Variants in TAF10 observed in about 807,000 individuals in gnomAD.
TAF10 encodes the protein TATA-box binding protein associated factor 10, also known as transcription initiation factor TFIID subunit 10.
TAF10 carries 2 observed loss-of-function variants against 18.1 expected under a neutral mutation model. That is an observed-to-expected ratio of 0.11 (90% CI 0.05 to 0.35). TAF10 has a LOEUF of 0.35. Among genes scored for constraint, TAF10 ranks in the 10% least tolerant of loss-of-function variants. The pLI, the probability that TAF10 is intolerant of heterozygous loss-of-function variation, is 1.00. For missense variants in TAF10, 293 were observed against 306.9 expected (o/e 0.95, Z 0.34); for synonymous variants, 158 against 134.6 (o/e 1.17, Z -1.20).
Position 6,608,828 on chromosome 11 carries a change from C to T in TAF10, c.*2094G>A, listed in dbSNP as rs1227659417. The T allele has an allele frequency of 1.2e-6, 2 of 1,612,208 alleles. No homozygotes were observed. Among genetic ancestry groups the T allele is most frequent in the African/African-American group, 2.7e-5 (2 of 74,874 alleles). ...ATCCCCTAGCTTGTGTCCTCTCGTC[C>T]CTTCCCACCTGTCTTCTCCCTCTGT... On this transcript the variant is annotated 3_prime_UTR_variant, in exon 5 of 5. Coordinates refer to ENST00000299424, the MANE Select transcript of TAF10 (RefSeq NM_006284.4). The surrounding 1 kb of genome is among the most constrained non-coding windows in gnomAD (Gnocchi z 4.9).
Position 6,607,948 on chromosome 11 carries a change from A to G in TAF10, c.*2974T>C. 3 of 1,268,662 alleles carry G rather than the reference A, an allele frequency of 2.4e-6. No individual in the cohort carries two copies. The highest frequency in any genetic ancestry group is 2.3e-6 in the Non-Finnish European group (2 of 886,118). The allele number at this position is 1,268,662 out of a possible 1,614,324, so 78.6% of individuals were successfully genotyped here. A position where few individuals can be genotyped will look rare whatever the true frequency, so the allele number is the denominator to read the frequency against. On this transcript the variant is annotated 3_prime_UTR_variant, in exon 5 of 5. Coordinates refer to ENST00000299424, the MANE Select transcript of TAF10 (RefSeq NM_006284.4). Reference sequence around the variant, plus strand: ...ATGAGAATCAAAGTCCTAGAGAGGTAAGCCTTCCCAGAGAGTATGTAATTA... The same window carrying G: ...ATGAGAATCAAAGTCCTAGAGAGGTGAGCCTTCCCAGAGAGTATGTAATTA...
At position 6,610,902 on chromosome 11, in the gene TAF10, G is replaced by A. The variant is rs780949467; in HGVS notation, c.*20C>T. ...GGTGTGGGGACATGGGGACAGATAA[G>A]TACATTTAGGTTGGGTGGCTCAGGT... On this transcript the variant is annotated 3_prime_UTR_variant, in exon 5 of 5. Coordinates refer to ENST00000299424, the MANE Select transcript of TAF10 (RefSeq NM_006284.4). 4 of 1,613,386 alleles carry A rather than the reference G, an allele frequency of 2.5e-6. No individual in the cohort carries two copies. The highest frequency in any genetic ancestry group is 1.1e-5 in the South Asian group (1 of 91,060).
Position 6,609,457 on chromosome 11 carries a change from T to G in TAF10, c.*1465A>C, listed in dbSNP as rs749793306. ...GCTGCTAGTTCCAAGGAACCCTGAA[T>G]AGCACTGAAAGAGATCTTTTGTACT... On this transcript the variant is annotated 3_prime_UTR_variant, in exon 5 of 5. Transcript: ENST00000299424. The G allele has an allele frequency of 3.1e-6, 5 of 1,614,044 alleles. No homozygotes were observed. Among genetic ancestry groups the G allele is most frequent in the Non-Finnish European group, 3.4e-6 (4 of 1,179,952 alleles).
At position 6,609,173 on chromosome 11, in the gene TAF10, T is replaced by C. The variant is rs1020416627; in HGVS notation, c.*1749A>G. Reference sequence around the variant, plus strand: ...TCTGGAGAGGTGACCCCTGCCCTTCTTGCCCTTCCCTCACTAAACCCCCAT... The same window carrying C: ...TCTGGAGAGGTGACCCCTGCCCTTCCTGCCCTTCCCTCACTAAACCCCCAT... On this transcript the variant is annotated 3_prime_UTR_variant, in exon 5 of 5. Coordinates refer to ENST00000299424, the MANE Select transcript of TAF10 (RefSeq NM_006284.4). The C allele has an allele frequency of 6.2e-7, 1 of 1,610,824 alleles. No individual in the cohort carries two copies. Among genetic ancestry groups the C allele is most frequent in the Admixed American group, 1.7e-5 (1 of 60,026 alleles).
Position 6,610,051 on chromosome 11 carries a change from A to G in TAF10, c.*871T>C, listed in dbSNP as rs761346975. The stretch of plus-strand genomic sequence containing the variant: ...GCCCCCGAAGGTGAGTGAAGTCATC[A>G]TGTCGGGAGGTAAAAAAGGACCACC... On this transcript the variant is annotated 3_prime_UTR_variant, in exon 5 of 5. Coordinates refer to ENST00000299424, the MANE Select transcript of TAF10 (RefSeq NM_006284.4). 1 of 1,614,140 alleles carries G rather than the reference A, an allele frequency of 6.2e-7. No individual in the cohort carries two copies. The highest frequency in any genetic ancestry group is 2.2e-5 in the East Asian group (1 of 44,882).
rs912510389 is a variant in TAF10 at position 6,609,825 on chromosome 11, C to G, written c.*1097G>C. ...AGAGCCCCTCATCCCACGACATGCA[C>G]TCAATAGCCGTAGTGTAATGGTGAG... On this transcript the variant is annotated 3_prime_UTR_variant, in exon 5 of 5. Transcript: ENST00000299424. 8 of 1,614,112 alleles carry G rather than the reference C, an allele frequency of 5.0e-6. No individual in the cohort carries two copies. The African/African-American group carries it at 8.0e-5, about 16-fold the overall frequency.
Position 6,611,220 on chromosome 11 carries a change from G to T in TAF10, c.536C>A (p.Thr179Lys), listed in dbSNP as rs763667789. Reference sequence around the variant, plus strand: ...CTTGCTCCGGGAGCTGCCGGAGGCCGTGCCCTTCATTTTGCAGTGCTGTAG... The same window carrying T: ...CTTGCTCCGGGAGCTGCCGGAGGCCTTGCCCTTCATTTTGCAGTGCTGTAG... ...DALQHCKMKG[T>K]ASGSSRSKSK... The change falls in exon 4 of 5, where the codon ACG becomes AAG. Residue 179 changes from threonine (T) to lysine (K), a missense_variant. By Grantham distance (78) the Thr-to-Lys change is moderately conservative. Coordinates refer to ENST00000299424, the MANE Select transcript of TAF10 (RefSeq NM_006284.4). The T allele has an allele frequency of 6.2e-7, 1 of 1,613,976 alleles. No homozygotes were observed. Among genetic ancestry groups the T allele is most frequent in the Non-Finnish European group, 8.5e-7 (1 of 1,180,026 alleles).
chr11:6,612,072 C>T lies in TAF10; in HGVS notation c.118G>A (p.Glu40Lys). The T allele has an allele frequency of 7.2e-7, 1 of 1,388,728 alleles. No individual in the cohort carries two copies. Among genetic ancestry groups the T allele is most frequent in the South Asian group, 1.6e-5 (1 of 62,056 alleles). The allele number at this position is 1,388,728 out of a possible 1,614,324, so 86.0% of individuals were successfully genotyped here. The change falls in exon 1 of 5, where the codon GAG (glutamate) becomes AAG (lysine). Residue 40 changes from glutamate (E) to lysine (K), a missense_variant. Glu to Lys is a moderately conservative substitution (Grantham distance 56). Coordinates refer to ENST00000299424, the MANE Select transcript of TAF10 (RefSeq NM_006284.4). ...PAALPSSTAA[E>K]NKASPAGTAG... ...GTCCCCGCGGGGCTGGCCTTGTTCTCCGCGGCGGTGCTGGAGGGCAGCGCG... is the reference window on the plus strand; with the variant it reads ...GTCCCCGCGGGGCTGGCCTTGTTCTTCGCGGCGGTGCTGGAGGGCAGCGCG...
Position 6,611,715 on chromosome 11 carries a change from GGACACCACGGGCTTCACGTCT to G in TAF10, c.315_335del (p.Asp106_Ser112del), listed in dbSNP as rs1803249349. ...TCAAGAAGTCCACCAAAGGCGTGCTGGACACCACGGGCTTCACGTCTCCGTTGGCCGCGCTCGGCAGTACGT... is the reference window on the plus strand; with the variant it reads ...TCAAGAAGTCCACCAAAGGCGTGCTGCCGTTGGCCGCGCTCGGCAGTACGT... On this transcript the variant is annotated inframe_deletion, in exon 2 of 5. Transcript: ENST00000299424. 6.2e-7 allele frequency: 1 copy of G among 1,610,848 alleles called. No individual in the cohort carries two copies. Among genetic ancestry groups the G allele is most frequent in the African/African-American group, 1.3e-5 (1 of 74,862 alleles).
At position 6,608,071 on chromosome 11, in the gene TAF10, C is replaced by G; in HGVS notation, c.*2851G>C. ...GGACGATCATGGCTTCTCCCCCTTG[C>G]ACTGGGCCTGCCGAGAGGGCCGCTC... is the stretch of plus-strand genomic sequence containing the variant. On this transcript the variant is annotated 3_prime_UTR_variant, in exon 5 of 5. Transcript: ENST00000299424. This position sits in a 1 kb window ranked among gnomAD's most constrained non-coding sequence, Gnocchi z 4.9. The G allele has an allele frequency of 6.2e-7, 1 of 1,614,108 alleles. No homozygotes were observed. The highest frequency in any genetic ancestry group is 8.5e-7 in the Non-Finnish European group (1 of 1,180,002).
Position 6,609,999 on chromosome 11 carries a change from G to A in TAF10, c.*923C>T. 6.2e-7 allele frequency: 1 copy of A among 1,614,192 alleles called. No homozygotes were observed. The highest frequency in any genetic ancestry group is 2.2e-5 in the East Asian group (1 of 44,892). ...TGTCAAGTTCTCTTTCCAATGTCCT[G>A]GTCGCATGTATGCACCTGCCTGGGT... is the stretch of plus-strand genomic sequence containing the variant. On this transcript the variant is annotated 3_prime_UTR_variant, in exon 5 of 5. Transcript: ENST00000299424.
Position 6,609,907 on chromosome 11 carries a change from C to T in TAF10, c.*1015G>A. 4 of 1,614,158 alleles carry T rather than the reference C, an allele frequency of 2.5e-6. No individual in the cohort carries two copies. The East Asian group carries it at 8.9e-5, about 36-fold the overall frequency. On this transcript the variant is annotated 3_prime_UTR_variant, in exon 5 of 5. Transcript: ENST00000299424. ...AAGCCCTTTGCCTATCTATGACTTACCTCCTTCTATCTGTTTTCTCTTCCT... is the reference window on the plus strand; with the variant it reads ...AAGCCCTTTGCCTATCTATGACTTATCTCCTTCTATCTGTTTTCTCTTCCT...
Position 6,610,123 on chromosome 11 carries a change from G to C in TAF10, c.*799C>G, listed in dbSNP as rs372670325. 681 of 1,614,170 alleles carry C rather than the reference G, an allele frequency of 4.2e-4. No homozygotes were observed. Among genetic ancestry groups the C allele is most frequent in the South Asian group, 9.6e-4 (87 of 91,078 alleles). ...AGAGACAGGACAGGCAAGGGGGCCA[G>C]AACAGACAAGCCCTATCTCTCCAGC... is the stretch of plus-strand genomic sequence containing the variant. On this transcript the variant is annotated 3_prime_UTR_variant, in exon 5 of 5. Transcript: ENST00000299424.
intron 4 of TAF10, 37 bp downstream of exon 4, chr11:6,611,152 G>A (rs753663597): frequency 6.2e-7 from 1 of 1,604,466 alleles, no homozygotes; most frequent in Admixed American, 1.7e-5. Flanking sequence ...CACTGTTGTG[G>A]AAGGTAATTA....
At position 6,610,385 on chromosome 11, in the gene TAF10, C is replaced by A. The variant is rs935574971; in HGVS notation, c.*537G>T. The stretch of plus-strand genomic sequence containing the variant: ...CATATTTGTTCGGATATACAGTAAT[C>A]CTGTCCCAAGGGCCAGTGGCTTCTC... On this transcript the variant is annotated 3_prime_UTR_variant, in exon 5 of 5. Coordinates refer to ENST00000299424, the MANE Select transcript of TAF10 (RefSeq NM_006284.4). The A allele has an allele frequency of 3.1e-6, 5 of 1,612,952 alleles. No individual in the cohort carries two copies. The highest frequency in any genetic ancestry group is 3.4e-6 in the Non-Finnish European group (4 of 1,179,080).
At position 6,609,747 on chromosome 11, in the gene TAF10, G is replaced by C. The variant is rs763522423; in HGVS notation, c.*1175C>G. 1 of 1,614,184 alleles carries C rather than the reference G, an allele frequency of 6.2e-7. No homozygotes were observed. The highest frequency in any genetic ancestry group is 8.5e-7 in the Non-Finnish European group (1 of 1,180,014). On this transcript the variant is annotated 3_prime_UTR_variant, in exon 5 of 5. Transcript: ENST00000299424. ...AGATTTCGTCGTGGACCAGAGCCAG[G>C]CTGTGAAGTTTGCTTTGGACATGGC...
Position 6,609,521 on chromosome 11 carries a change from G to C in TAF10, c.*1401C>G, listed in dbSNP as rs369519432. On this transcript the variant is annotated 3_prime_UTR_variant, in exon 5 of 5. Transcript: ENST00000299424. ...TCCCTCCCTCTTCTAGGATTTTCTC[G>C]CATCCAAATGTGCTCCCAGTGCTAG... 23 of 1,613,914 alleles carry C rather than the reference G, an allele frequency of 1.4e-5. No homozygotes were observed. Among genetic ancestry groups the C allele is most frequent in the Non-Finnish European group, 1.8e-5 (21 of 1,180,028 alleles).
chr11:6,608,646 G>A lies in TAF10; in HGVS notation c.*2276C>T. ...TGCATTCATGGTTGGTTCAGTGACT[G>A]CCAGCGAGGTAGCAGTGGCTCTCAT... is the stretch of plus-strand genomic sequence containing the variant. On this transcript the variant is annotated 3_prime_UTR_variant, in exon 5 of 5. Coordinates refer to ENST00000299424, the MANE Select transcript of TAF10 (RefSeq NM_006284.4). The surrounding 1 kb of genome is among the most constrained non-coding windows in gnomAD (Gnocchi z 4.9). The A allele has an allele frequency of 2.0e-6, 3 of 1,509,992 alleles. No individual in the cohort carries two copies. Among genetic ancestry groups the A allele is most frequent in the Non-Finnish European group, 2.8e-6 (3 of 1,084,920 alleles). The allele number at this position is 1,509,992 out of a possible 1,614,324, so 93.5% of individuals were successfully genotyped here.
In TAF10 at chr11:6,609,346, G is replaced by A. The variant is rs1855267671; in HGVS notation, c.*1576C>T. ...GCAATGACATTGTCGTGAAGGTGCTGAAGGTTCGAGACTGGAGTACAAGGA... is the reference window on the plus strand; with the variant it reads ...GCAATGACATTGTCGTGAAGGTGCTAAAGGTTCGAGACTGGAGTACAAGGA... On this transcript the variant is annotated 3_prime_UTR_variant, in exon 5 of 5. Transcript: ENST00000299424. 1.2e-6 allele frequency: 2 copies of A among 1,614,172 alleles called. No homozygotes were observed. The highest frequency in any genetic ancestry group is 1.7e-6 in the Non-Finnish European group (2 of 1,180,032).
Sources: allele counts gnomAD v4.1 joint callset, GRCh38; gene constraint gnomAD v4.1.1; non-coding constraint Gnocchi (gnomAD v3.1); transcripts MANE v1.5; gene names NCBI Gene and HGNC (gene_info 2026-07-23, HGNC 2026-07-21).